Variants in CADM2 observed in about 807,000 individuals in gnomAD.
CADM2 encodes the protein cell adhesion molecule 2.
Under a neutral mutation model 49.8 loss-of-function variants are expected in CADM2, and 12 were observed. The ratio of observed to expected loss-of-function variants is 0.24; its 90% CI spans 0.15 to 0.39. CADM2 has a LOEUF of 0.39. Among genes scored for constraint, CADM2 ranks in the 10% least tolerant of loss-of-function variants. The pLI is 1.00. For synonymous variants in CADM2, 214 were observed against 175.4 expected (o/e 1.22, Z -1.74); for missense variants, 378 against 492.3 (o/e 0.77, Z 2.20).
intron 8 of CADM2, among the ~76,000 whole-genome samples, chr3:85,964,967 C>T (rs1366153561): frequency 1.3e-5 from 2 of 151,244 alleles, no homozygotes; most frequent in African/African-American, 2.4e-5. Flanking sequence ...ATATCTTGAC[C>T]CATTGCTATT....
At position 85,601,199 on chromosome 3, in the gene CADM2, A is replaced by G. The variant is rs574533745; in HGVS notation, c.62-125323A>G. Among the ~76,000 whole-genome samples, 8 of 111,868 alleles carry G rather than the reference A, an allele frequency of 7.2e-5. No homozygotes were observed. In the South Asian group the frequency reaches 2.2e-3, roughly 31 times the overall value. The allele number at this position is 111,868 out of a possible 152,430, so 73.4% of individuals were successfully genotyped here. On this transcript the variant is annotated intron_variant, in intron 1 of 9. Coordinates refer to ENST00000383699, the MANE Select transcript of CADM2 (RefSeq NM_001167675.2). Reference sequence around the variant, plus strand: ...ACACACACACACACACATACATGTCATTTGCTCCCAAGTGGAATACATGAG... The same window carrying G: ...ACACACACACACACACATACATGTCGTTTGCTCCCAAGTGGAATACATGAG...
chr3:85,827,327 A>G (rs149682481), intron 3 of CADM2, among the ~76,000 whole-genome samples: 26 of 152,134 alleles, frequency 1.7e-4, no homozygotes, highest in African/African-American at 5.8e-4. Context: ...GTAGAAAATT[A>G]TAATAGCTGT....
At chr3:85,351,089 G>A (rs2031294366) in intron 1 of CADM2, among the ~76,000 whole-genome samples, 1 of 152,086 alleles carries the variant, frequency 6.6e-6, no homozygotes, top group African/African-American at 2.4e-5. Flanking sequence ...GCCATCGTCT[G>A]GAAGGGCATA....
At chr3:85,219,507 A>C (rs1296420931) in intron 1 of CADM2, among the ~76,000 whole-genome samples, 2 of 152,138 alleles carry the variant, frequency 1.3e-5, no homozygotes, top group Non-Finnish European at 2.9e-5. Flanking sequence ...AATATACATT[A>C]TTTTTATATA....
chr3:85,592,562 T>C (rs1282049617), intron 1 of CADM2, among the ~76,000 whole-genome samples: 1 of 151,932 alleles, frequency 6.6e-6, no homozygotes, highest in Non-Finnish European at 1.5e-5. Context: ...TGGTTTTGGG[T>C]CAACAATACC....
At chr3:85,244,668 G>A (rs1181894973) in intron 1 of CADM2, among the ~76,000 whole-genome samples, 2 of 152,070 alleles carry the variant, frequency 1.3e-5, no homozygotes, top group Non-Finnish European at 2.9e-5. Context: ...CTCCACTGAA[G>A]GCTGCTATCC....
intron 1 of CADM2, among the ~76,000 whole-genome samples, chr3:84,984,138 C>G (rs917732052): frequency 6.6e-6 from 1 of 150,874 alleles, no homozygotes; most frequent in Admixed American, 6.6e-5. Flanking sequence ...TAAACTAAAT[C>G]TAGATATCTA....
chr3:85,264,174 A>G (rs2043072569), intron 1 of CADM2, among the ~76,000 whole-genome samples: 1 of 152,126 alleles, frequency 6.6e-6, no homozygotes, highest in Admixed American at 6.6e-5. Context: ...GTTTTGCTGT[A>G]AAAGCTCAGC....
chr3:86,000,423 T>G (rs1430506062), intron 8 of CADM2, among the ~76,000 whole-genome samples: 4 of 152,176 alleles, frequency 2.6e-5, no homozygotes, highest in African/African-American at 9.6e-5. Flanking sequence ...TATTGTAAAC[T>G]CTGGGGAAAG....
At chr3:85,426,144 T>C (rs960293169) in intron 1 of CADM2, among the ~76,000 whole-genome samples, 13 of 149,810 alleles carry the variant, frequency 8.7e-5, no homozygotes, top group African/African-American at 3.0e-4. Flanking sequence ...TTTTTTTTTC[T>C]TTTTTTTTAT....
chr3:85,433,411 T>C (rs1440386518), intron 1 of CADM2, among the ~76,000 whole-genome samples: 1 of 152,074 alleles, frequency 6.6e-6, no homozygotes, highest in Non-Finnish European at 1.5e-5. Context: ...AAATTACTTT[T>C]TTTTCCCCTT....
At chr3:85,990,685 A>T (rs1297816945) in intron 8 of CADM2, among the ~76,000 whole-genome samples, 1 of 152,092 alleles carries the variant, frequency 6.6e-6, no homozygotes, top group Non-Finnish European at 1.5e-5. Flanking sequence ...ATTATTCACA[A>T]TTTTCTTAAA....
chr3:85,663,942 A>G (rs1323234217), intron 1 of CADM2, among the ~76,000 whole-genome samples: 1 of 152,016 alleles, frequency 6.6e-6, no homozygotes. Flanking sequence ...TCCGTGGTCA[A>G]TTTAGAATTT....
chr3:85,925,479 C>T (rs1027346756), intron 6 of CADM2, among the ~76,000 whole-genome samples: 15 of 152,090 alleles, frequency 9.9e-5, no homozygotes, highest in Non-Finnish European at 2.2e-4. Flanking sequence ...AATTTTACTA[C>T]AGAATTACAA....
Position 85,355,129 on chromosome 3 carries a change from A to G in CADM2, c.62-371393A>G, listed in dbSNP as rs559155166. On this transcript the variant is annotated intron_variant, in intron 1 of 9. Coordinates refer to ENST00000383699, the MANE Select transcript of CADM2 (RefSeq NM_001167675.2). ...GTGATTTGGCCAAAACCAATCCAGG[A>G]CGGTGGTCAGTTTTTAGGAAGGAGG... 8.5e-5 allele frequency among the ~76,000 whole-genome samples: 13 copies of G among 152,190 alleles called. No homozygotes were observed. In the East Asian group the frequency reaches 1.9e-3, roughly 23 times the overall value.
At chr3:85,173,938 G>T (rs1408022866) in intron 1 of CADM2, among the ~76,000 whole-genome samples, 2 of 152,090 alleles carry the variant, frequency 1.3e-5, no homozygotes, top group African/African-American at 2.4e-5. Flanking sequence ...ATTTAGGAGA[G>T]CTCTTAGAAT....
rs567494176 is a variant in CADM2, at chr3:85,561,470, T to G, written c.62-165052T>G. On this transcript the variant is annotated intron_variant, in intron 1 of 9. Transcript: ENST00000383699. Reference sequence around the variant, plus strand: ...CCAATAATGCCATATCATAAAAGTTTAAAAGAATTTATTAGTTTAGAGACT... The same window carrying G: ...CCAATAATGCCATATCATAAAAGTTGAAAAGAATTTATTAGTTTAGAGACT... 2.0e-4 allele frequency among the ~76,000 whole-genome samples: 31 copies of G among 152,344 alleles called. No individual in the cohort carries two copies. The South Asian group carries it at 4.6e-3, about 22-fold the overall frequency.
At chr3:85,156,635 A>G (rs1053401641) in intron 1 of CADM2, among the ~76,000 whole-genome samples, 1 of 152,236 alleles carries the variant, frequency 6.6e-6, no homozygotes, top group African/African-American at 2.4e-5. Context: ...TGAGGTCAGC[A>G]GCATCCTTCA....
At chr3:85,670,000 A>T (rs1330058913) in intron 1 of CADM2, among the ~76,000 whole-genome samples, 2 of 152,098 alleles carry the variant, frequency 1.3e-5, no homozygotes, top group Admixed American at 6.6e-5. Flanking sequence ...CCGTGATCTC[A>T]ATGAACTCAA....
Sources: allele counts gnomAD v4.1 joint callset (sites outside exome capture counted in the v4.1 genomes callset), GRCh38; gene constraint gnomAD v4.1.1; transcripts MANE v1.5; gene names NCBI Gene and HGNC (gene_info 2026-07-23, HGNC 2026-07-21).